The following GCNT2 variants were observed in gnomAD, a reference collection of about 807,000 sequenced individuals.
GCNT2 encodes N-acetyllactosaminide beta-1,6-N-acetylglucosaminyl-transferase.
A neutral mutation model predicts 34.2 loss-of-function variants in GCNT2; 34 were observed. That is an observed-to-expected ratio of 1.00 (90% CI 0.76 to 1.32). The LOEUF is 1.32. Ranked by LOEUF, GCNT2 falls within the 40% of genes most tolerant of loss-of-function variation. The pLI is 0.00. For missense variants in GCNT2, 584 were observed against 489.4 expected (o/e 1.19, Z -1.82); for synonymous variants, 212 against 188.0 (o/e 1.13, Z -1.04).
At chr6:10,529,952 T>A in intron 3 of GCNT2, 116 bp downstream of exon 3, 2 of 886,524 alleles carry the variant, frequency 2.3e-6, no homozygotes, top group Admixed American at 2.4e-5. Flanking sequence ...GTTTTAAATG[T>A]CAAATTAAAA....
At chr6:10,549,818 T>A (rs1290093019) in intron 3 of GCNT2, among the ~76,000 whole-genome samples, 1 of 152,158 alleles carries the variant, frequency 6.6e-6, no homozygotes, top group African/African-American at 2.4e-5. Context: ...TTGTATAATA[T>A]GGATTGTGCC....
At chr6:10,605,265 G>A (rs1022746062) in intron 3 of GCNT2, among the ~76,000 whole-genome samples, 2 of 140,326 alleles carry the variant, frequency 1.4e-5, no homozygotes, top group Non-Finnish European at 3.0e-5. Context: ...ACCCAGGCTG[G>A]AGTGCAGTGG....
intron 3 of GCNT2, among the ~76,000 whole-genome samples, chr6:10,545,001 T>C (rs373399818): frequency 1.2e-4 from 19 of 152,084 alleles, no homozygotes; most frequent in African/African-American, 3.4e-4. Context: ...AGAGAGCTGC[T>C]GGGAAAATAA....
rs200102997 is a variant in GCNT2, at chr6:10,556,935, G to A, written c.925+27099G>A. 2.2e-5 allele frequency: 35 copies of A among 1,613,996 alleles called. No homozygotes were observed. The Admixed American group carries it at 4.8e-4, about 22-fold the overall frequency. ...TCCAGGCTCCAGGCTGACCTGAACT[G>A]CATCAGAGATCTTTCTGCCTTCGAG... is the stretch of plus-strand genomic sequence containing the variant. On this transcript the variant is annotated intron_variant, in intron 3 of 4. Transcript: ENST00000495262.
chr6:10,589,050 TGTGTGTGGTGTGTGTGTA>T (rs1764499104), intron 3 of GCNT2, among the ~76,000 whole-genome samples: 1 of 144,458 alleles, frequency 6.9e-6, no homozygotes, highest in Non-Finnish European at 1.5e-5. Flanking sequence ...GTGTATGGTG[TGTGTGTGGTGTGTGTGTA>T]GTGTGTGGCG....
At chr6:10,582,988 C>T (rs961483058) in intron 3 of GCNT2, among the ~76,000 whole-genome samples, 4 of 152,032 alleles carry the variant, frequency 2.6e-5, no homozygotes, top group Non-Finnish European at 5.9e-5. Flanking sequence ...GTAACTTTAC[C>T]CAGGCACTGT....
chr6:10,544,775 C>G (rs995228265), intron 3 of GCNT2, among the ~76,000 whole-genome samples: 3 of 151,102 alleles, frequency 2.0e-5, no homozygotes, highest in Admixed American at 2.0e-4. Context: ...GAAACCCCAT[C>G]TCCACTAAAA....
intron 3 of GCNT2, among the ~76,000 whole-genome samples, chr6:10,613,090 T>A (rs2127437163): frequency 6.6e-6 from 1 of 152,338 alleles, no homozygotes; most frequent in South Asian, 2.1e-4. Context: ...TATGTGAGCT[T>A]AAATAATAAG....
chr6:10,625,859 G>C (rs1256089510), intron 4 of GCNT2, among the ~76,000 whole-genome samples: 1 of 152,204 alleles, frequency 6.6e-6, no homozygotes, highest in Non-Finnish European at 1.5e-5. Context: ...GGCATAGTAA[G>C]AGGTTAACAA....
At chr6:10,540,789 C>T (rs540384245) in intron 3 of GCNT2, among the ~76,000 whole-genome samples, 10 of 152,276 alleles carry the variant, frequency 6.6e-5, no homozygotes, top group African/African-American at 2.2e-4. Flanking sequence ...AGCTTTTAAG[C>T]AGTCCACAGG....
chr6:10,559,217 T>G (rs1225028141), intron 3 of GCNT2, among the ~76,000 whole-genome samples: 1 of 152,222 alleles, frequency 6.6e-6, no homozygotes, highest in Non-Finnish European at 1.5e-5. Flanking sequence ...CCTTTTTTCC[T>G]TACCCCTTTC....
rs1766330040 is a variant in GCNT2 at position 10,627,809 on chromosome 6, G to GT, written c.*1202_*1203insT. On this transcript the variant is annotated 3_prime_UTR_variant, in exon 5 of 5. Transcript: ENST00000495262. ...AGGAACACACAGGGCTGTGTAGCAT[G>GT]ATACCAGGCCCAGGAGATCAGTAAT... The GT allele has an allele frequency of 5.9e-5, 9 of 152,306 alleles. No individual in the cohort carries two copies. The highest frequency in any genetic ancestry group is 2.2e-4 in the African/African-American group (9 of 41,574). The allele number at this position is 152,306 out of a possible 1,614,324, so 9.4% of individuals were successfully genotyped here.
Position 10,529,735 on chromosome 6 carries a change from A to G in GCNT2, c.824A>G (p.Asn275Ser), listed in dbSNP as rs370727036. Reference protein sequence around the residue: ...AYVALTRDFANFVLQDQLALD... With the variant: ...AYVALTRDFASFVLQDQLALD... ...GTGGCTCTCACAAGGGACTTTGCTA[A>G]CTTCGTCCTCCAAGACCAGCTCGCA... The change falls in exon 3 of 5, where the codon AAC (asparagine) becomes AGC (serine). Residue 275 changes from asparagine (N) to serine (S), a missense_variant. Asn to Ser is a conservative substitution (Grantham distance 46, BLOSUM62 1). Transcript: ENST00000495262. 6 of 1,614,080 alleles carry G rather than the reference A, an allele frequency of 3.7e-6. No homozygotes were observed. The highest frequency in any genetic ancestry group is 5.1e-6 in the Non-Finnish European group (6 of 1,179,964).
chr6:10,541,894 A>G (rs1376067042), intron 3 of GCNT2, among the ~76,000 whole-genome samples: 1 of 152,174 alleles, frequency 6.6e-6, no homozygotes, highest in Non-Finnish European at 1.5e-5. Context: ...TTTGTGCTCC[A>G]AATACTTTTT....
At chr6:10,556,529 CTAAA>C (rs1229931739) in intron 3 of GCNT2, 1 of 1,613,754 alleles carries the variant, frequency 6.2e-7, no homozygotes, top group Non-Finnish European at 8.5e-7. Flanking sequence ...CTTCCAAAGG[CTAAA>C]TATCTCAGAC....
intron 3 of GCNT2, among the ~76,000 whole-genome samples, chr6:10,561,691 T>C (rs1762992211): frequency 6.6e-6 from 1 of 152,362 alleles, no homozygotes; most frequent in Admixed American, 6.5e-5. Context: ...TTTCCCTCGC[T>C]GCACTAAGTG....
intron 3 of GCNT2, chr6:10,556,937 A>C (rs770979858): frequency 6.2e-7 from 1 of 1,614,176 alleles, no homozygotes; most frequent in Non-Finnish European, 8.5e-7. Context: ...CCTGAACTGC[A>C]TCAGAGATCT....
At chr6:10,617,748 TTC>T (rs1252681161) in intron 3 of GCNT2, among the ~76,000 whole-genome samples, 12 of 102,358 alleles carry the variant, frequency 1.2e-4, no homozygotes, top group African/African-American at 5.4e-4. Flanking sequence ...TCTGCATTTC[TTC>T]TTTTTTTTTT....
At chr6:10,610,388 A>G (rs1765498194) in intron 3 of GCNT2, among the ~76,000 whole-genome samples, 2 of 152,210 alleles carry the variant, frequency 1.3e-5, no homozygotes, top group South Asian at 2.1e-4. Context: ...CACCTCAGGA[A>G]AATCTGCTAT....
Sources: gnomAD v4.1 joint callset for allele counts (sites outside exome capture counted in the v4.1 genomes callset) on GRCh38, gnomAD v4.1.1 for gene constraint, MANE v1.5 for transcripts, NCBI Gene and HGNC (gene_info 2026-07-23, HGNC 2026-07-21) for gene names.